The following ABCC1 variants were observed in gnomAD, a reference collection of about 807,000 sequenced individuals.
ABCC1 encodes multidrug resistance-associated protein 1.
ABCC1 carries 83 observed loss-of-function variants against 172.9 expected under a neutral mutation model. The ratio of observed to expected loss-of-function variants is 0.48; its 90% CI spans 0.40 to 0.58. The LOEUF (loss-of-function observed/expected upper bound fraction) is 0.58. ABCC1 is among the 20% of genes least tolerant of loss of function. The probability of loss-of-function intolerance (pLI) is 0.00; values close to 1 mark genes in which losing one functional copy is unlikely to be tolerated. For missense variants in ABCC1, 1,817 were observed against 2,002.7 expected, an observed-to-expected ratio of 0.91 and a Z score of 1.77; for synonymous variants, 937 against 825.2, an observed-to-expected ratio of 1.14 and a Z score of -2.32.
intron 7 of ABCC1, among the ~76,000 whole-genome samples, chr16:16,039,229 G>GTA (rs1184751119): frequency 2.3e-4 from 32 of 136,836 alleles, no homozygotes; most frequent in African/African-American, 9.4e-4. Flanking sequence ...GTGTGTGTGT[G>GTA]TGTGTATGTA....
intron 1 of ABCC1, among the ~76,000 whole-genome samples, chr16:15,966,776 G>T (rs994975131): frequency 2.7e-5 from 4 of 150,428 alleles, no homozygotes; most frequent in Admixed American, 2.0e-4. Context: ...TTACCCTCCC[G>T]AGTGTCTTGG....
chr16:16,055,166 G>C (rs987157189), intron 11 of ABCC1, among the ~76,000 whole-genome samples: 3 of 152,092 alleles, frequency 2.0e-5, no homozygotes, highest in Admixed American at 1.3e-4. Context: ...GGAATTCAAG[G>C]CTGCAGTGAG....
chr16:15,962,753 C>G (rs145363468), intron 1 of ABCC1, among the ~76,000 whole-genome samples: 119 of 152,344 alleles, frequency 7.8e-4, no homozygotes, highest in African/African-American at 2.6e-3. Flanking sequence ...CTAATCACCT[C>G]CAGTGAGGTC....
intron 16 of ABCC1, among the ~76,000 whole-genome samples, chr16:16,082,707 G>A (rs536274030): frequency 5.9e-5 from 9 of 152,258 alleles, no homozygotes; most frequent in Admixed American, 2.0e-4. Flanking sequence ...GCAGTGGCAC[G>A]GTGCAATCTC....
At chr16:16,132,517 T>G (rs2045738976) in intron 27 of ABCC1, among the ~76,000 whole-genome samples, 3 of 80,870 alleles carry the variant, frequency 3.7e-5, no homozygotes, top group Non-Finnish European at 8.1e-5. Flanking sequence ...GTTGTTTTTT[T>G]TTTTTTTTTT....
At chr16:16,132,272 G>A (rs942795191) in intron 27 of ABCC1, among the ~76,000 whole-genome samples, 3 of 151,882 alleles carry the variant, frequency 2.0e-5, no homozygotes, top group Admixed American at 1.3e-4. Flanking sequence ...CCACTGCAGC[G>A]GCAGCCTCCC....
chr16:16,104,035 TG>T (rs899442105), intron 20 of ABCC1, among the ~76,000 whole-genome samples: 113 of 152,182 alleles, frequency 7.4e-4, no homozygotes, highest in African/African-American at 2.6e-3. Context: ...GCTCTTAAGG[TG>T]GCGTGTCTGG....
chr16:15,987,048 C>G (rs2046760827), intron 1 of ABCC1, among the ~76,000 whole-genome samples: 1 of 152,062 alleles, frequency 6.6e-6, no homozygotes, highest in Non-Finnish European at 1.5e-5. Context: ...GTCTGTAGTC[C>G]CAGCTACTCA....
At chr16:16,105,505 AGGT>A (rs1252767454) in intron 20 of ABCC1, 1 of 152,120 alleles carries the variant, frequency 6.6e-6, no homozygotes, top group Admixed American at 6.6e-5. Context: ...CAAAGAGGGG[AGGT>A]GGTGGAGGTT....
At chr16:15,994,287 G>C (rs1483487254) in intron 1 of ABCC1, among the ~76,000 whole-genome samples, 1 of 152,118 alleles carries the variant, frequency 6.6e-6, no homozygotes, top group Non-Finnish European at 1.5e-5. Context: ...TTTAGAGGTG[G>C]TGGATCTCAG....
In ABCC1 at chr16:16,049,953, C is replaced by G. The variant is rs1168614144; in HGVS notation, c.1380+1650C>G. Reference sequence around the variant, plus strand: ...AGGTGATCTACCCTCTGTGGTCTCCCAAAGTGTTGGAATTACAGGCGTGAG... The same window carrying G: ...AGGTGATCTACCCTCTGTGGTCTCCGAAAGTGTTGGAATTACAGGCGTGAG... On this transcript the variant is annotated intron_variant, in intron 10 of 30. Coordinates refer to ENST00000399410, the MANE Select transcript of ABCC1 (RefSeq NM_004996.4). Among the ~76,000 whole-genome samples the G allele has an allele frequency of 3.3e-5, 5 of 152,218 alleles. No homozygotes were observed. The South Asian group carries it at 8.3e-4, about 25-fold the overall frequency.
intron 5 of ABCC1, among the ~76,000 whole-genome samples, chr16:16,025,908 G>A (rs542518136): frequency 6.6e-6 from 1 of 152,326 alleles, no homozygotes; most frequent in Admixed American, 6.5e-5. Context: ...TGGGACAGGA[G>A]TTACTGTATT....
chr16:16,049,113 C>T (rs1189238186), intron 10 of ABCC1, among the ~76,000 whole-genome samples: 1 of 152,198 alleles, frequency 6.6e-6, no homozygotes, highest in Non-Finnish European at 1.5e-5. Flanking sequence ...TACTCAGTTT[C>T]ACCCACTGCC....
At chr16:16,135,249 A>G (rs1011397314) in intron 28 of ABCC1, among the ~76,000 whole-genome samples, 2 of 152,198 alleles carry the variant, frequency 1.3e-5, no homozygotes, top group South Asian at 2.1e-4. Context: ...TTCGGCTTCT[A>G]TGGATCTCAT....
At chr16:16,013,660 G>T (rs45482496) in intron 3 of ABCC1, among the ~76,000 whole-genome samples, 286 of 152,220 alleles carry the variant, frequency 1.9e-3, no homozygotes, top group African/African-American at 6.7e-3. Context: ...TCCTCAAAAG[G>T]CACAAAGTGT....
chr16:16,100,994 T>C (rs966442102), intron 19 of ABCC1, among the ~76,000 whole-genome samples: 1 of 151,924 alleles, frequency 6.6e-6, no homozygotes, highest in Non-Finnish European at 1.5e-5. Context: ...TGGTTTATTT[T>C]CTTTTATTCG....
chr16:16,132,322 G>A (rs35804420), intron 27 of ABCC1, among the ~76,000 whole-genome samples: 73 of 151,826 alleles, frequency 4.8e-4, no homozygotes, highest in African/African-American at 9.4e-4. Flanking sequence ...GCAGGTGTGT[G>A]CCACTGCACC....
At chr16:16,077,595 T>C (rs1166211147) in intron 15 of ABCC1, among the ~76,000 whole-genome samples, 2 of 152,140 alleles carry the variant, frequency 1.3e-5, no homozygotes, top group Non-Finnish European at 2.9e-5. Context: ...CTCACTGGGC[T>C]TCCTGCCCAC....
chr16:16,033,165 C>G lies in ABCC1; in HGVS notation c.672C>G (p.Ile224Met), dbSNP rs756842840. The stretch of plus-strand genomic sequence containing the variant: ...TGTCGAGGATCACCTTCTGGTGGAT[C>G]ACAGGGTAAGGCCAGGCCCCCCAGA... Reference protein sequence around the residue: ...SFLSRITFWWITGLIVRGYRQ... With the variant: ...SFLSRITFWWMTGLIVRGYRQ... The change falls in exon 6 of 31, where the codon ATC becomes ATG. Residue 224 changes from isoleucine to methionine, a missense_variant. Transcript: ENST00000399410. 6.2e-7 allele frequency: 1 copy of G among 1,614,126 alleles called. No individual in the cohort carries two copies. Among genetic ancestry groups the G allele is most frequent in the Non-Finnish European group, 8.5e-7 (1 of 1,180,002 alleles).
Sources: allele counts gnomAD v4.1 joint callset (sites outside exome capture counted in the v4.1 genomes callset), GRCh38; gene constraint gnomAD v4.1.1; transcripts MANE v1.5; gene names NCBI Gene and HGNC (gene_info 2026-07-23, HGNC 2026-07-21).